TPST1: variants seen among roughly 807,000 people sequenced by gnomAD.
TPST1 encodes protein-tyrosine sulfotransferase 1.
TPST1 carries 20 observed loss-of-function variants against 34.8 expected under a neutral mutation model. The ratio of observed to expected loss-of-function variants is 0.57; its 90% CI spans 0.40 to 0.84. The LOEUF (loss-of-function observed/expected upper bound fraction) is 0.84. Among genes scored for constraint, TPST1 ranks in the 40% least tolerant of loss-of-function variants. The pLI is 0.00. For missense variants in TPST1, 353 were observed against 455.5 expected (o/e 0.78, Z 2.05); for synonymous variants, 152 against 159.4 (o/e 0.95, Z 0.35).
chr7:66,348,477 A>AT (rs950299674), intron 3 of TPST1, among the ~76,000 whole-genome samples: 4 of 152,062 alleles, frequency 2.6e-5, no homozygotes, highest in Non-Finnish European at 4.4e-5. Context: ...AAGTTTAGCG[A>AT]TTTTTTTTAT....
intron 3 of TPST1, among the ~76,000 whole-genome samples, chr7:66,319,182 T>C (rs1791698694): frequency 6.6e-6 from 1 of 152,184 alleles, no homozygotes; most frequent in Non-Finnish European, 1.5e-5. Flanking sequence ...CATTTTGTCC[T>C]TTGAACTCCA....
At position 66,341,500 on chromosome 7, in the gene TPST1, T is replaced by C. The variant is rs563263244; in HGVS notation, c.1045-11005T>C. ...ATCACCATCTTGGTCAGGCTGGTCT[T>C]GAACTCCTGACCTCATGATCCACCT... On this transcript the variant is annotated intron_variant, in intron 3 of 5. Transcript: ENST00000304842. Among the ~76,000 whole-genome samples, 190 of 152,240 alleles carry C rather than the reference T, an allele frequency of 1.2e-3. 1 individual carries two copies. Among genetic ancestry groups the C allele is most frequent in the South Asian group, 5.4e-3 (26 of 4,826 alleles).
chr7:66,309,894 G>A (rs1181663195), intron 3 of TPST1, among the ~76,000 whole-genome samples: 1 of 151,894 alleles, frequency 6.6e-6, no homozygotes, highest in Non-Finnish European at 1.5e-5. Context: ...GTGCATGGGA[G>A]TTATACAATT....
intron 2 of TPST1, among the ~76,000 whole-genome samples, chr7:66,269,904 C>T (rs1056476111): frequency 5.3e-5 from 8 of 151,934 alleles, no homozygotes; most frequent in Admixed American, 5.2e-4. Flanking sequence ...ATCATGTATC[C>T]TACGGTCTCA....
At chr7:66,303,894 A>G (rs541322841) in intron 3 of TPST1, among the ~76,000 whole-genome samples, 17 of 152,200 alleles carry the variant, frequency 1.1e-4, no homozygotes, top group Admixed American at 3.3e-4. Context: ...AAGAAAAGGG[A>G]TATTCAGATA....
At chr7:66,322,212 A>G (rs191824363) in intron 3 of TPST1, among the ~76,000 whole-genome samples, 1 of 152,138 alleles carries the variant, frequency 6.6e-6, no homozygotes, top group Non-Finnish European at 1.5e-5. Flanking sequence ...TAGATCTGTA[A>G]CCTGCCTGGA....
chr7:66,301,676 G>A (rs1384445185), intron 3 of TPST1, among the ~76,000 whole-genome samples: 1 of 152,130 alleles, frequency 6.6e-6, no homozygotes, highest in African/African-American at 2.4e-5. Flanking sequence ...AGAGATGGGG[G>A]AACAAACAGC....
chr7:66,286,826 T>A (rs1791050088), intron 3 of TPST1, 117 bp downstream of exon 3: 2 of 638,070 alleles, frequency 3.1e-6, no homozygotes. Flanking sequence ...TATTTTTTTT[T>A]TTTTTCATTT....
chr7:66,219,060 T>G (rs1217090918), intron 1 of TPST1, among the ~76,000 whole-genome samples: 1 of 147,992 alleles, frequency 6.8e-6, no homozygotes, highest in Non-Finnish European at 1.5e-5. Flanking sequence ...TTTTTTTTTT[T>G]TTTTTTTTGG....
chr7:66,211,882 C>T (rs988966891), intron 1 of TPST1, among the ~76,000 whole-genome samples: 6 of 152,190 alleles, frequency 3.9e-5, no homozygotes, highest in Non-Finnish European at 8.8e-5. Flanking sequence ...AGGAGAATCC[C>T]TTGAACCCGG....
At chr7:66,225,666 G>GCATGCACACGCACACGTGTGTAAACACA (rs1482724760) in intron 1 of TPST1, among the ~76,000 whole-genome samples, 1 of 152,198 alleles carries the variant, frequency 6.6e-6, no homozygotes, top group Non-Finnish European at 1.5e-5. Context: ...TTGTGTGTGT[G>GCATGCACACGCACACGTGTGTAAACACA]CATGCACACG....
chr7:66,227,648 T>C (rs905244465), intron 1 of TPST1, among the ~76,000 whole-genome samples: 3 of 152,050 alleles, frequency 2.0e-5, no homozygotes, highest in African/African-American at 2.4e-5. Context: ...TCAGTAATCC[T>C]GGTGCAAGAT....
chr7:66,226,380 G>A (rs748828756), intron 1 of TPST1, among the ~76,000 whole-genome samples: 2 of 152,166 alleles, frequency 1.3e-5, no homozygotes, highest in Admixed American at 6.5e-5. Context: ...GTCACGAGGA[G>A]AATGTGCTAC....
chr7:66,203,196 T>A (rs1789049925), upstream of TPST1, among the ~76,000 whole-genome samples: 2 of 151,544 alleles, frequency 1.3e-5, no homozygotes, highest in Admixed American at 1.3e-4. Flanking sequence ...CACACACACA[T>A]ATACACACAA....
intron 2 of TPST1, among the ~76,000 whole-genome samples, chr7:66,276,305 G>C (rs2115845874): frequency 7.1e-6 from 1 of 141,192 alleles, no homozygotes; most frequent in South Asian, 2.2e-4. Context: ...TTTTTTGCCT[G>C]TTAATATTTT....
At chr7:66,239,108 T>G (rs1320963562) in intron 1 of TPST1, among the ~76,000 whole-genome samples, 1 of 152,250 alleles carries the variant, frequency 6.6e-6, no homozygotes, top group Non-Finnish European at 1.5e-5. Context: ...GTCTTGCCAT[T>G]GTGCTTTTGC....
intron 4 of TPST1, among the ~76,000 whole-genome samples, chr7:66,354,593 A>G (rs1195067951): frequency 6.6e-6 from 1 of 152,112 alleles, no homozygotes; most frequent in Non-Finnish European, 1.5e-5. Flanking sequence ...AGAAGTCAAG[A>G]AAAGGTATTT....
chr7:66,298,557 T>C (rs1189561553), intron 3 of TPST1, among the ~76,000 whole-genome samples: 5 of 152,216 alleles, frequency 3.3e-5, no homozygotes, highest in Non-Finnish European at 7.3e-5. Flanking sequence ...TTTTATAGTC[T>C]CTGCCTTTTA....
intron 3 of TPST1, among the ~76,000 whole-genome samples, chr7:66,328,884 C>CTATATATATATATA (rs1562847162): frequency 6.8e-5 from 2 of 29,418 alleles, no homozygotes; most frequent in Admixed American, 5.0e-4. Flanking sequence ...CTCTCTCTCT[C>CTATATATATATATA]TCTATATATA....
Sources: gnomAD v4.1 joint callset for allele counts (sites outside exome capture counted in the v4.1 genomes callset) on GRCh38, gnomAD v4.1.1 for gene constraint, MANE v1.5 for transcripts, NCBI Gene and HGNC (gene_info 2026-07-23, HGNC 2026-07-21) for gene names.